The following ACLY variants were observed in gnomAD, a reference collection of about 807,000 sequenced individuals.
ACLY encodes the protein ATP citrate lyase, also known as ATP-citrate synthase.
ACLY carries 41 observed loss-of-function variants against 133.0 expected under a neutral mutation model. The ratio of observed to expected loss-of-function variants is 0.31; its 90% CI spans 0.24 to 0.40. The LOEUF (loss-of-function observed/expected upper bound fraction) is 0.40. Ranked by LOEUF, ACLY falls within the 10% of genes least tolerant of loss-of-function variation. The probability of loss-of-function intolerance (pLI) is 1.00; values close to 1 mark genes in which losing one functional copy is unlikely to be tolerated. For missense variants in ACLY, 1,046 were observed against 1,453.8 expected (o/e 0.72, Z 4.56); for synonymous variants, 495 against 549.3 (o/e 0.90, Z 1.38).
chr17:41,909,566 C>T lies in ACLY; in HGVS notation c.480G>A (p.Leu160=), dbSNP rs1555633287. Reference sequence around the variant, plus strand: ...GGTGTTTTTTGATGTCCTCAGGATTCAGTTTCTCATCCACGCCAACAAGCA... The same window carrying T: ...GGTGTTTTTTGATGTCCTCAGGATTTAGTTTCTCATCCACGCCAACAAGCA... The part of the protein sequence containing the change: ...QKLLVGVDEK[L]NPEDIKKHLL... The change falls in exon 5 of 29, where the codon CTG becomes CTA. Residue 160 remains leucine (L), a synonymous_variant. Transcript: ENST00000352035. 1.9e-6 allele frequency: 3 copies of T among 1,613,996 alleles called. No individual in the cohort carries two copies. The highest frequency in any genetic ancestry group is 2.7e-5 in the African/African-American group (2 of 74,908).
chr17:41,901,259 T>C (rs1410699706), intron 11 of ACLY, among the ~76,000 whole-genome samples: 1 of 152,066 alleles, frequency 6.6e-6, no homozygotes, highest in Non-Finnish European at 1.5e-5. Flanking sequence ...TGATCAAGTT[T>C]GATCAAGCAT....
In ACLY at chr17:41,878,126, G is replaced by T; in HGVS notation, c.2464C>A (p.Pro822Thr). 1 of 1,581,216 alleles carries T rather than the reference G, an allele frequency of 6.3e-7. No homozygotes were observed. Among genetic ancestry groups the T allele is most frequent in the Non-Finnish European group, 8.6e-7 (1 of 1,164,080 alleles). ...ACCCTGGCCCAGGAGTAGTCCATGG[G>T]CACGGTTGGGGGCGGCACCTCCTGG... is the stretch of plus-strand genomic sequence containing the variant. ...PAQEVPPPTV[P>T]MDYSWARELG... Residue 822 changes from proline (P) to threonine (T), a missense_variant, in exon 22 of 29, where the codon CCC becomes ACC. Physicochemically the swap from Pro to Thr is conservative, Grantham distance 38 (BLOSUM62 -1). Around this residue, in one of 4 missense-constraint regions of ACLY, gnomAD observed 205 missense variants for 373.3 expected, o/e 0.55. Transcript: ENST00000352035.
intron 10 of ACLY, among the ~76,000 whole-genome samples, chr17:41,903,923 C>G (rs1314659650): frequency 6.6e-6 from 1 of 151,508 alleles, no homozygotes; most frequent in Middle Eastern, 3.2e-3. Flanking sequence ...TCGAGACTAG[C>G]CTAGCCAACA....
At chr17:41,887,333 G>A (rs1321269270) in intron 17 of ACLY, among the ~76,000 whole-genome samples, 1 of 151,918 alleles carries the variant, frequency 6.6e-6, no homozygotes, top group Non-Finnish European at 1.5e-5. Context: ...CAGCTACTTG[G>A]GAGGCTGAGA....
rs536754308 is a variant in ACLY at position 41,874,237 on chromosome 17, G to A, written c.2488-272C>T. On this transcript the variant is annotated intron_variant, in intron 22 of 28. Transcript: ENST00000352035. ...TCTATCCTTCCCTGAGCATTTGCTG[G>A]GCTAGGAAATAGCCTAAGCAGTTCA... Among the ~76,000 whole-genome samples, 161 of 152,276 alleles carry A rather than the reference G, an allele frequency of 1.1e-3. 1 individual carries two copies. The highest frequency in any genetic ancestry group is 3.6e-3 in the African/African-American group (150 of 41,548).
In ACLY at chr17:41,882,918, A is replaced by G. The variant is rs782209742; in HGVS notation, c.2265+204T>C. On this transcript the variant is annotated intron_variant, in intron 20 of 28. Transcript: ENST00000352035. ...GACTCAGAGCCTGACTGTAGCTTTA[A>G]TCTGCTTATAAATTGGTCTCCTCCA... Among the ~76,000 whole-genome samples the G allele has an allele frequency of 4.7e-4, 71 of 152,230 alleles. 1 individual carries two copies. The highest frequency in any genetic ancestry group is 5.9e-5 in the Non-Finnish European group (4 of 68,038).
chr17:41,919,057 C>G (rs2050135945), upstream of ACLY: 2 of 1,259,878 alleles, frequency 1.6e-6, no homozygotes, highest in Non-Finnish European at 2.1e-6. Context: ...CACACGCGTT[C>G]CCTAGCCTGA....
chr17:41,894,172 G>A (rs1393508828), intron 14 of ACLY, among the ~76,000 whole-genome samples: 1 of 149,476 alleles, frequency 6.7e-6, no homozygotes, highest in Admixed American at 6.7e-5. Context: ...AGCCGAGATC[G>A]TGCCAGTGCA....
intron 1 of ACLY, among the ~76,000 whole-genome samples, chr17:41,929,882 G>GTT (rs1221770406): frequency 6.6e-6 from 1 of 152,094 alleles, no homozygotes; most frequent in Non-Finnish European, 1.5e-5. Flanking sequence ...GTGTGTGTGT[G>GTT]TGTGCATTTG....
intron 24 of ACLY, 33 bp downstream of exon 24, chr17:41,871,999 C>T (rs1567882561): frequency 6.2e-7 from 1 of 1,612,228 alleles, no homozygotes; most frequent in Admixed American, 1.7e-5. Flanking sequence ...CCCAGTGTCC[C>T]CACTGTTCAC....
Position 41,889,524 on chromosome 17 carries a change from CAAAAAAAAAA to C in ACLY, c.1771-1831_1771-1822del, listed in dbSNP as rs533387140. On this transcript the variant is annotated intron_variant, in intron 16 of 28. Transcript: ENST00000352035. ...GGTGATGGAGAAAGGCTCCATTTCA[CAAAAAAAAAA>C]AAAAAAAAAAAAAAAAAAAAAAGAA... Among the ~76,000 whole-genome samples, 244 of 31,594 alleles carry C rather than the reference CAAAAAAAAAA, an allele frequency of 7.7e-3. 1 individual carries two copies. The highest frequency in any genetic ancestry group is 0.012 in the Admixed American group (19 of 1,580). The allele number at this position is 31,594 out of a possible 152,430, so 20.7% of individuals were successfully genotyped here.
intron 3 of ACLY, 120 bp from the exon 4 acceptor site, chr17:41,910,404 A>T: frequency 1.3e-6 from 1 of 797,026 alleles, no homozygotes; most frequent in Non-Finnish European, 2.0e-6. Flanking sequence ...CAGCAAAGAG[A>T]GATTTTTCCA....
At position 41,906,587 on chromosome 17, in the gene ACLY, C is replaced by G. The variant is rs769677609; in HGVS notation, c.807G>C (p.Leu269=). 2.5e-6 allele frequency: 4 copies of G among 1,614,212 alleles called. No homozygotes were observed. Among genetic ancestry groups the G allele is most frequent in the Non-Finnish European group, 2.5e-6 (3 of 1,180,042 alleles). ...TGGTCCAGATCCTCCCTTTGGGGTT[C>G]AGCAAGGTCAGCTTCAGGCTTGCCC... ...KSGASLKLTL[L]NPKGRIWTMV... The change falls in exon 8 of 29, where the codon CTG becomes CTC. Residue 269 remains leucine (L), a synonymous_variant. Transcript: ENST00000352035.
Position 41,913,990 on chromosome 17 carries a change from C to A in ACLY, c.-23-94G>T, listed in dbSNP as rs1598044667. The A allele has an allele frequency of 6.6e-6, 8 of 1,217,204 alleles. No individual in the cohort carries two copies. The East Asian group carries it at 1.9e-4, about 29-fold the overall frequency. 75.4% of individuals were successfully genotyped at this position (1,217,204 alleles called of 1,614,324 possible). The stretch of plus-strand genomic sequence containing the variant: ...AGACCCACTCCCAGTTGCCCCCAGA[C>A]AATAAAACCAGATCTCAGCTTTTCT... On this transcript the variant is annotated intron_variant, in intron 1 of 28. Coordinates refer to ENST00000352035, the MANE Select transcript of ACLY (RefSeq NM_001096.3).
At chr17:41,928,424 T>G (rs1314087192) in intron 1 of ACLY, among the ~76,000 whole-genome samples, 1 of 152,184 alleles carries the variant, frequency 6.6e-6, no homozygotes, top group African/African-American at 2.4e-5. Context: ...TTACCGTAGC[T>G]TTAAAATAAG....
At chr17:41,868,453 A>AAAT (rs10668805) in intron 28 of ACLY, among the ~76,000 whole-genome samples, 1 of 150,378 alleles carries the variant, frequency 6.6e-6, no homozygotes, top group African/African-American at 2.4e-5. Context: ...AAAAAAAAAA[A>AAAT]TTTTCCTGGG....
chr17:41,871,942 G>T (rs2144203326), intron 24 of ACLY, 90 bp downstream of exon 24: 4 of 1,593,206 alleles, frequency 2.5e-6, no homozygotes, highest in South Asian at 1.1e-5. Context: ...TTACACTCAG[G>T]GGCTCCTTCT....
chr17:41,928,605 A>G (rs921608944), intron 1 of ACLY, among the ~76,000 whole-genome samples: 10 of 151,840 alleles, frequency 6.6e-5, no homozygotes, highest in African/African-American at 2.2e-4. Flanking sequence ...TAATCCCAGC[A>G]CTTTGAGAGG....
chr17:41,924,769 C>T (rs538260028), intron 1 of ACLY, among the ~76,000 whole-genome samples: 3 of 152,152 alleles, frequency 2.0e-5, no homozygotes, highest in Non-Finnish European at 4.4e-5. Context: ...GCAGTTATCT[C>T]TCTGGGGATG....
Sources: gnomAD v4.1 joint callset for allele counts (sites outside exome capture counted in the v4.1 genomes callset) on GRCh38, gnomAD v4.1.1 for gene constraint, gnomAD v4.1.1 regional missense constraint, MANE v1.5 for transcripts, NCBI Gene and HGNC (gene_info 2026-07-23, HGNC 2026-07-21) for gene names.